The following MLIP variants were observed in gnomAD, a reference collection of about 807,000 sequenced individuals.
MLIP encodes muscular LMNA interacting protein, also known as muscular LMNA-interacting protein.
In MLIP, 79 loss-of-function variants were observed where a neutral mutation model predicts 84.8. The ratio of observed to expected loss-of-function variants is 0.93; its 90% confidence interval spans 0.78 to 1.12. The LOEUF (loss-of-function observed/expected upper bound fraction) is 1.12. Among genes scored for constraint, MLIP ranks in the 50% most tolerant of loss-of-function variants. The pLI is 0.00. For missense variants in MLIP, 1,257 were observed against 1,160.6 expected (o/e 1.08, Z -1.21); for synonymous variants, 504 against 463.0 (o/e 1.09, Z -1.14).
At chr6:54,080,270 C>A (rs907155544) in intron 1 of MLIP, among the ~76,000 whole-genome samples, 1 of 152,070 alleles carries the variant, frequency 6.6e-6, no homozygotes, top group African/African-American at 2.4e-5. Flanking sequence ...CCTTGTTTAA[C>A]CCCCTCTGCC....
In MLIP at chr6:54,137,515, G is replaced by T. The variant is rs777683849; in HGVS notation, c.1446G>T (p.Gln482His). 1.3e-6 allele frequency: 2 copies of T among 1,536,106 alleles called. No individual in the cohort carries two copies. Among genetic ancestry groups the T allele is most frequent in the Non-Finnish European group, 1.7e-6 (2 of 1,146,898 alleles). Residue 482 changes from glutamine to histidine, a missense_variant, in exon 4 of 14, where the codon CAG becomes CAT. Physicochemically the swap from Gln to His is conservative, Grantham distance 24. Transcript: ENST00000502396. ...GGTCACCAGATCAAGGGGAACTCCA[G>T]GTTTCTGAATTGACCCAGCAATCTT... is the stretch of plus-strand genomic sequence containing the variant. ...RAGSPDQGELQVSELTQQSFH... is the reference protein window; with the variant it reads ...RAGSPDQGELHVSELTQQSFH...
At chr6:54,019,155 T>A in intron 1 of MLIP, 1 of 1,544,884 alleles carries the variant, frequency 6.5e-7, no homozygotes, top group South Asian at 1.2e-5. Flanking sequence ...AGAGCAACTG[T>A]CATAGACTGG....
intron 4 of MLIP, among the ~76,000 whole-genome samples, chr6:54,143,430 T>C (rs1430385630): frequency 6.6e-6 from 1 of 152,088 alleles, no homozygotes; most frequent in Non-Finnish European, 1.5e-5. Flanking sequence ...GGTCTTGAAC[T>C]CCTGACCTCA....
chr6:54,036,734 G>C (rs768861152), intron 1 of MLIP, among the ~76,000 whole-genome samples: 9 of 151,822 alleles, frequency 5.9e-5, no homozygotes, highest in African/African-American at 2.2e-4. Flanking sequence ...CCCACTTCTG[G>C]GTATATATCC....
At chr6:54,033,285 G>A (rs934891826) in intron 1 of MLIP, among the ~76,000 whole-genome samples, 4 of 107,088 alleles carry the variant, frequency 3.7e-5, no homozygotes, top group African/African-American at 1.5e-4. Context: ...TTTTTTTTTT[G>A]AGATGGAGTC....
At chr6:54,168,341 C>T (rs1445543903) in intron 8 of MLIP, among the ~76,000 whole-genome samples, 1 of 151,790 alleles carries the variant, frequency 6.6e-6, no homozygotes, top group East Asian at 1.9e-4. Context: ...CACTCTTGAC[C>T]TCCTTAACAT....
rs55954893 is a variant in MLIP at position 54,176,855 on chromosome 6, C to T, written c.2544+7283C>T. Among the ~76,000 whole-genome samples the T allele has an allele frequency of 5.6e-3, 846 of 152,064 alleles. 14 individuals are homozygous for T. Among genetic ancestry groups the T allele is most frequent in the African/African-American group, 0.018 (765 of 41,510 alleles). ...CATGGTACTAGTACAAAAACAGACACATAGACCAATGGAACAGAACAGAGA... is the reference window on the plus strand; with the variant it reads ...CATGGTACTAGTACAAAAACAGACATATAGACCAATGGAACAGAACAGAGA... On this transcript the variant is annotated intron_variant, in intron 9 of 13. Transcript: ENST00000502396.
chr6:54,028,156 A>G (rs900133181), intron 1 of MLIP, among the ~76,000 whole-genome samples: 2 of 152,200 alleles, frequency 1.3e-5, no homozygotes, highest in African/African-American at 4.8e-5. Context: ...GGATGTTTGT[A>G]GTTCAATTGC....
intron 5 of MLIP, among the ~76,000 whole-genome samples, chr6:54,159,872 C>A (rs1375800292): frequency 6.6e-6 from 1 of 151,938 alleles, no homozygotes; most frequent in Non-Finnish European, 1.5e-5. Context: ...GCCAAATTGA[C>A]TGCATAAGCA....
chr6:54,031,120 A>G (rs1383193491), intron 1 of MLIP, among the ~76,000 whole-genome samples: 1 of 152,200 alleles, frequency 6.6e-6, no homozygotes, highest in Non-Finnish European at 1.5e-5. Context: ...CTATTAGCCA[A>G]ACCCTAGAAT....
chr6:54,239,840 T>A (rs1238512446), intron 12 of MLIP, among the ~76,000 whole-genome samples: 1 of 152,006 alleles, frequency 6.6e-6, no homozygotes, highest in Non-Finnish European at 1.5e-5. Flanking sequence ...TGAAAATAAA[T>A]ATTTATGTCT....
chr6:54,228,203 AAAAAAAAAAAAG>A (rs1780730511), intron 11 of MLIP, among the ~76,000 whole-genome samples: 1 of 126,574 alleles, frequency 7.9e-6, no homozygotes, highest in Non-Finnish European at 1.6e-5. Context: ...AAAAAAAAAA[AAAAAAAAAAAAG>A]AGAAAGAAAA....
chr6:54,157,429 C>G (rs1055525164), intron 5 of MLIP, among the ~76,000 whole-genome samples: 1 of 152,100 alleles, frequency 6.6e-6, no homozygotes, highest in Non-Finnish European at 1.5e-5. Flanking sequence ...GGTGGAATTC[C>G]TGAGTATGCC....
chr6:54,207,283 G>A (rs968487987), intron 11 of MLIP, among the ~76,000 whole-genome samples: 1 of 151,830 alleles, frequency 6.6e-6, no homozygotes, highest in Non-Finnish European at 1.5e-5. Flanking sequence ...TCATCAGCAC[G>A]ATAAACTAGT....
intron 1 of MLIP, among the ~76,000 whole-genome samples, chr6:54,059,533 A>T (rs1765846400): frequency 6.6e-6 from 1 of 152,214 alleles, no homozygotes; most frequent in African/African-American, 2.4e-5. Context: ...GACAATTCAT[A>T]CAATTTTGGA....
intron 5 of MLIP, among the ~76,000 whole-genome samples, chr6:54,149,745 T>C (rs1773239603): frequency 6.6e-6 from 1 of 152,132 alleles, no homozygotes; most frequent in Non-Finnish European, 1.5e-5. Flanking sequence ...TTCACATGAC[T>C]CCAAGAGATT....
rs2150563648 is a variant in MLIP at position 54,160,802 on chromosome 6, A to G, written c.2499+3A>G. On this transcript the variant is annotated splice_donor_region_variant and intron_variant, in intron 8 of 13. Coordinates refer to ENST00000502396, the MANE Select transcript of MLIP (RefSeq NM_001281747.2). Reference sequence around the variant, plus strand: ...TGTTGGGTTCTGACACAGTCAAAGTATGTATGTATTTAATATAATTTATGG... The same window carrying G: ...TGTTGGGTTCTGACACAGTCAAAGTGTGTATGTATTTAATATAATTTATGG... 1 of 1,604,320 alleles carries G rather than the reference A, an allele frequency of 6.2e-7. No homozygotes were observed. Among genetic ancestry groups the G allele is most frequent in the Non-Finnish European group, 8.5e-7 (1 of 1,172,728 alleles).
At chr6:54,037,621 A>C (rs1764519427) in intron 1 of MLIP, among the ~76,000 whole-genome samples, 1 of 151,938 alleles carries the variant, frequency 6.6e-6, no homozygotes, top group South Asian at 2.1e-4. Context: ...GTAGTCTGCT[A>C]GTCTTTGGGA....
intron 1 of MLIP, among the ~76,000 whole-genome samples, chr6:54,096,806 C>A (rs563187851): frequency 6.6e-6 from 1 of 152,290 alleles, no homozygotes; most frequent in Admixed American, 6.5e-5. Context: ...AATGATTTTG[C>A]AAACAATTCA....
Sources: allele counts gnomAD v4.1 joint callset (sites outside exome capture counted in the v4.1 genomes callset), GRCh38; gene constraint gnomAD v4.1.1; transcripts MANE v1.5; gene names NCBI Gene and HGNC (gene_info 2026-07-23, HGNC 2026-07-21).